The following ENTPD1 variants were observed in gnomAD, a reference collection of about 807,000 sequenced individuals.
ENTPD1 encodes ectonucleoside triphosphate diphosphohydrolase 1, also known as ATP diphosphohydrolase.
Under a neutral mutation model 57.0 loss-of-function variants are expected in ENTPD1, and 33 were observed. The observed-to-expected ratio is 0.58, with a 90% CI of 0.44 to 0.77. The LOEUF (loss-of-function observed/expected upper bound fraction) is 0.77, where lower values mean the gene tolerates loss of function less well. Ranked by LOEUF, ENTPD1 falls within the 30% of genes least tolerant of loss-of-function variation. The pLI, the probability that ENTPD1 is intolerant of heterozygous loss-of-function variation, is 0.00. For synonymous variants in ENTPD1, 202 were observed against 218.8 expected (o/e 0.92, Z 0.68); for missense variants, 501 against 603.4 (o/e 0.83, Z 1.78).
intron 1 of ENTPD1, among the ~76,000 whole-genome samples, chr10:95,737,263 A>G (rs2097995630): frequency 6.6e-6 from 1 of 152,172 alleles, no homozygotes; most frequent in African/African-American, 2.4e-5. Flanking sequence ...TCATATGTAA[A>G]TCTTTGCAAA....
In ENTPD1 at chr10:95,869,241, CTTTTTTTTTTTT is replaced by C. The variant is rs11312564; in HGVS notation, c.*2873_*2884del. On this transcript the variant is annotated 3_prime_UTR_variant, in exon 10 of 10. Coordinates refer to ENST00000371205, the MANE Select transcript of ENTPD1 (RefSeq NM_001776.6). Reference sequence around the variant, plus strand: ...GAAAAAAGATCAGCAGAAGTCATTACTTTTTTTTTTTTTTTTTTTTTTTTTTGAGAGAGAGTC... The same window carrying C: ...GAAAAAAGATCAGCAGAAGTCATTACTTTTTTTTTTTTTTGAGAGAGAGTC... The C allele has an allele frequency of 8.6e-5, 60 of 699,220 alleles. 1 individual carries two copies. The highest frequency in any genetic ancestry group is 5.8e-4 in the East Asian group (3 of 5,204). 43.3% of individuals were successfully genotyped at this position (699,220 alleles called of 1,614,324 possible).
chr10:95,750,201 GT>G (rs986458804), intron 1 of ENTPD1, among the ~76,000 whole-genome samples: 3 of 152,326 alleles, frequency 2.0e-5, no homozygotes, highest in African/African-American at 7.2e-5. Flanking sequence ...TCAGCACAGT[GT>G]TTGTGTCTGT....
At chr10:95,720,601 C>G (rs1045212155) in intron 1 of ENTPD1, among the ~76,000 whole-genome samples, 1 of 152,092 alleles carries the variant, frequency 6.6e-6, no homozygotes, top group African/African-American at 2.4e-5. Flanking sequence ...TCAAACATAC[C>G]CGGGGCTCTG....
Position 95,845,373 on chromosome 10 carries a change from G to A in ENTPD1, c.590G>A (p.Ser197Asn), listed in dbSNP as rs746011893. The change falls in exon 6 of 10, where the codon AGC (serine) becomes AAC (asparagine). Residue 197 changes from serine (S) to asparagine (N), a missense_variant. Transcript: ENST00000371205. The part of the protein sequence containing the change: ...GKFSQKTRWF[S>N]IVPYETNNQE... ...GTCTTTCAGAAAACAAGGTGGTTCA[G>A]CATAGTCCCATATGAAACCAATAAT... The A allele has an allele frequency of 1.2e-6, 2 of 1,614,194 alleles. No individual in the cohort carries two copies. Among genetic ancestry groups the A allele is most frequent in the South Asian group, 1.1e-5 (1 of 91,084 alleles).
chr10:95,793,616 C>T (rs1220500124), intron 1 of ENTPD1, among the ~76,000 whole-genome samples: 2 of 152,166 alleles, frequency 1.3e-5, no homozygotes, highest in Non-Finnish European at 2.9e-5. Context: ...GCCCTGGCCT[C>T]ACCTCAGACT....
At chr10:95,807,145 T>A (rs2098276466) in intron 1 of ENTPD1, among the ~76,000 whole-genome samples, 1 of 152,230 alleles carries the variant, frequency 6.6e-6, no homozygotes, top group Non-Finnish European at 1.5e-5. Context: ...TAGGGCTTGC[T>A]GAGCTGCGGT....
chr10:95,741,024 C>G (rs566002780), intron 1 of ENTPD1, among the ~76,000 whole-genome samples: 1 of 152,278 alleles, frequency 6.6e-6, no homozygotes, highest in East Asian at 1.9e-4. Flanking sequence ...TGTGTGTTCA[C>G]TGGAGCACTG....
chr10:95,862,402 G>A (rs1362794535), intron 8 of ENTPD1, among the ~76,000 whole-genome samples: 2 of 152,222 alleles, frequency 1.3e-5, no homozygotes, highest in Non-Finnish European at 1.5e-5. Context: ...TATGGCTTGT[G>A]TTTGGGAATG....
At chr10:95,793,047 C>T (rs1021929651) in intron 1 of ENTPD1, among the ~76,000 whole-genome samples, 1 of 152,148 alleles carries the variant, frequency 6.6e-6, no homozygotes, top group Non-Finnish European at 1.5e-5. Context: ...TTGCTTCCTC[C>T]CAACACCAGC....
Position 95,873,715 on chromosome 10 carries a change from T to G in ENTPD1, c.*7332T>G, listed in dbSNP as rs1171005677. 9 of 981,314 alleles carry G rather than the reference T, an allele frequency of 9.2e-6. No homozygotes were observed. The highest frequency in any genetic ancestry group is 1.7e-5 in the African/African-American group (1 of 57,152). 60.8% of individuals were successfully genotyped at this position (981,314 alleles called of 1,614,324 possible). A position where few individuals can be genotyped will look rare whatever the true frequency, so the allele number is the denominator to read the frequency against. Reference sequence around the variant, plus strand: ...AAAACTATGATTGTATTAGTTCGTTTCCATGCTGCTGATAAAGACATATCT... The same window carrying G: ...AAAACTATGATTGTATTAGTTCGTTGCCATGCTGCTGATAAAGACATATCT... On this transcript the variant is annotated 3_prime_UTR_variant, in exon 10 of 10. Transcript: ENST00000371205.
upstream of ENTPD1, chr10:95,753,626 T>C (rs1398157578): frequency 3.9e-5 from 6 of 152,200 alleles, no homozygotes; most frequent in Non-Finnish European, 8.8e-5. Context: ...AATGAGACAA[T>C]TGTCAAAGTA....
chr10:95,809,947 C>T (rs189769817), intron 1 of ENTPD1, among the ~76,000 whole-genome samples: 1,424 of 124,666 alleles, frequency 0.011, 36 homozygotes, highest in African/African-American at 0.035. Flanking sequence ...ACTTCTCAGA[C>T]GGGGCGGCCG....
intron 8 of ENTPD1, among the ~76,000 whole-genome samples, chr10:95,863,124 T>C (rs1210309027): frequency 6.6e-6 from 1 of 152,206 alleles, no homozygotes; most frequent in African/African-American, 2.4e-5. Flanking sequence ...TTGGCTTCTA[T>C]ATTTTTGGCT....
chr10:95,864,581 C>A, intron 8 of ENTPD1, 143 bp from the exon 9 acceptor site: 1 of 1,103,622 alleles, frequency 9.1e-7, no homozygotes. Context: ...AGCACCACCC[C>A]CAAAACCCTC....
chr10:95,850,633 A>G (rs1266495846), intron 7 of ENTPD1, among the ~76,000 whole-genome samples: 3 of 152,236 alleles, frequency 2.0e-5, no homozygotes, highest in African/African-American at 7.2e-5. Flanking sequence ...TTTAAGAATC[A>G]GCTCTTGTGA....
chr10:95,842,411 A>C lies in ENTPD1; in HGVS notation c.330A>C (p.Glu110Asp), dbSNP rs1343938398. 1 of 1,614,032 alleles carries C rather than the reference A, an allele frequency of 6.2e-7. No individual in the cohort carries two copies. The highest frequency in any genetic ancestry group is 1.3e-5 in the African/African-American group (1 of 74,906). The change falls in exon 4 of 10, where the codon GAA becomes GAC. Residue 110 changes from glutamate to aspartate, a missense_variant. Transcript: ENST00000371205. ...GCATTTACCTGACTGATTGCATGGA[A>C]AGAGCTAGGGAAGTGATTCCAAGGT... ...EIGIYLTDCM[E>D]RAREVIPRSQ... is the part of the protein sequence containing the mutation.
At chr10:95,841,311 C>T (rs906786111) in intron 3 of ENTPD1, among the ~76,000 whole-genome samples, 3 of 151,942 alleles carry the variant, frequency 2.0e-5, no homozygotes, top group African/African-American at 2.4e-5. Flanking sequence ...CACTTGAACC[C>T]GGGAGGCGGA....
chr10:95,772,667 T>C (rs565707557), intron 1 of ENTPD1, among the ~76,000 whole-genome samples: 4 of 152,300 alleles, frequency 2.6e-5, no homozygotes, highest in Admixed American at 6.5e-5. Context: ...TTCATGAGGG[T>C]TGGAGTCAAC....
At chr10:95,805,993 A>G (rs543901079) in intron 1 of ENTPD1, among the ~76,000 whole-genome samples, 33 of 152,306 alleles carry the variant, frequency 2.2e-4, no homozygotes, top group Non-Finnish European at 2.8e-4. Context: ...CTCGAGGAAT[A>G]TCTTTGTGGT....
Sources: allele counts gnomAD v4.1 joint callset (sites outside exome capture counted in the v4.1 genomes callset), GRCh38; gene constraint gnomAD v4.1.1; transcripts MANE v1.5; gene names NCBI Gene and HGNC (gene_info 2026-07-23, HGNC 2026-07-21).